LIG3: variants seen among roughly 807,000 people sequenced by gnomAD.
The protein encoded by LIG3 is ligase II, DNA, ATP-dependent.
In LIG3, 58 loss-of-function variants were observed where a neutral mutation model predicts 110.9. The ratio of observed to expected loss-of-function variants is 0.52; its 90% CI spans 0.42 to 0.65. The LOEUF (loss-of-function observed/expected upper bound fraction) is 0.65. Among genes scored for constraint, LIG3 ranks in the 30% least tolerant of loss-of-function variants. The pLI, the probability that LIG3 is intolerant of heterozygous loss-of-function variation, is 0.00. For synonymous variants in LIG3, 422 were observed against 472.8 expected (o/e 0.89, Z 1.39); for missense variants, 1,094 against 1,273.8 (o/e 0.86, Z 2.15).
rs1318316246 is a variant in LIG3, at chr17:35,006,875, T to C, written c.*2369T>C. ...CCACCTACTGTTTAAAATGTGTATG[T>C]TGGGGGAGTAGGGACAGCACGGGGG... is the stretch of plus-strand genomic sequence containing the variant. On this transcript the variant is annotated 3_prime_UTR_variant, in exon 20 of 20. Coordinates refer to ENST00000378526, the MANE Select transcript of LIG3 (RefSeq NM_013975.4). 1 of 151,350 alleles carries C rather than the reference T, an allele frequency of 6.6e-6. No homozygotes were observed. Among genetic ancestry groups the C allele is most frequent in the East Asian group, 2.0e-4 (1 of 5,064 alleles). 9.4% of individuals were successfully genotyped at this position (151,350 alleles called of 1,614,324 possible). A position where few individuals can be genotyped will look rare whatever the true frequency, so the allele number is the denominator to read the frequency against.
intron 19 of LIG3, chr17:35,003,232 C>T: frequency 1.2e-5 from 16 of 1,370,588 alleles, no homozygotes; most frequent in Non-Finnish European, 1.6e-5. Flanking sequence ...GGTGACTCTC[C>T]TCCCACCTGA....
At chr17:34,991,623 T>C (rs1462674022) in intron 5 of LIG3, 48 bp from the exon 6 acceptor site, 1 of 1,595,392 alleles carries the variant, frequency 6.3e-7, no homozygotes, top group East Asian at 2.2e-5. Context: ...GGGGATACAC[T>C]TGGCCACCCT....
At position 34,991,965 on chromosome 17, in the gene LIG3, G is replaced by A. The variant is rs1172535353; in HGVS notation, c.1216G>A (p.Ala406Thr). Reference protein sequence around the residue: ...ALQDIASRCTANDLKCIIRLI... With the variant: ...ALQDIASRCTTNDLKCIIRLI... ...TGTGCTTCATCCCCCTAGGTGTACA[G>A]CCAATGACCTTAAATGCATCATCAG... is the stretch of plus-strand genomic sequence containing the variant. The change falls in exon 7 of 20, where the codon GCC becomes ACC. Residue 406 changes from alanine to threonine, a missense_variant. Coordinates refer to ENST00000378526, the MANE Select transcript of LIG3 (RefSeq NM_013975.4). 1.2e-6 allele frequency: 2 copies of A among 1,613,964 alleles called. No individual in the cohort carries two copies. The highest frequency in any genetic ancestry group is 1.7e-5 in the Admixed American group (1 of 60,008).
rs375449672 is a variant in LIG3, at chr17:35,001,301, G to A, written c.2376G>A (p.Ser792=). ...WEITGAEFSK[S]EAHTADGISI... is the part of the protein sequence containing the mutation. The stretch of plus-strand genomic sequence containing the variant: ...TCACAGGGGCTGAATTCTCCAAATC[G>A]GAGGCTCATACAGCTGACGGGATCT... The change falls in exon 17 of 20, where the codon TCG becomes TCA. Residue 792 remains serine (S), a synonymous_variant. Coordinates refer to ENST00000378526, the MANE Select transcript of LIG3 (RefSeq NM_013975.4). The A allele has an allele frequency of 3.2e-5, 51 of 1,613,982 alleles. No individual in the cohort carries two copies. The Middle Eastern group carries it at 9.9e-4, about 31-fold the overall frequency.
intron 19 of LIG3, chr17:35,003,054 C>G: frequency 6.2e-7 from 1 of 1,614,136 alleles, no homozygotes; most frequent in Non-Finnish European, 8.5e-7. Context: ...GATAGAACAG[C>G]CCGGCCTAGC....
At position 34,991,204 on chromosome 17, in the gene LIG3, G is replaced by A. The variant is rs142556789; in HGVS notation, c.1041+90G>A. The A allele has an allele frequency of 1.0e-4, 128 of 1,270,428 alleles. 2 individuals carry two copies. The East Asian group carries it at 2.8e-3, about 28-fold the overall frequency. The allele number at this position is 1,270,428 out of a possible 1,614,324, so 78.7% of individuals were successfully genotyped here. A position where few individuals can be genotyped will look rare whatever the true frequency, so the allele number is the denominator to read the frequency against. ...CAGCCTCTTTTTTTTTTTCTGGTTG[G>A]GACACATACTGTTTTAGGAAACTGA... On this transcript the variant is annotated intron_variant, in intron 5 of 19. Transcript: ENST00000378526.
chr17:34,983,689 T>C, intron 2 of LIG3, 137 bp downstream of exon 2: 1 of 873,828 alleles, frequency 1.1e-6, no homozygotes, highest in Non-Finnish European at 1.7e-6. Context: ...TAGGCCAGTG[T>C]TTAATGTTGC....
chr17:34,997,990 G>T, intron 12 of LIG3, 165 bp downstream of exon 12: 2 of 667,586 alleles, frequency 3.0e-6, no homozygotes, highest in Admixed American at 2.5e-5. Flanking sequence ...TCTTCACCCA[G>T]AAGGGTAGGG....
In LIG3 at chr17:34,980,548, A is replaced by G. The variant is rs1223292922; in HGVS notation, c.-79A>G. ...CGGATTTAAAGAGACAGGCGCTCCA[A>G]CCGTCGTGGGCTGCCCGCGGCCTGT... On this transcript the variant is annotated 5_prime_UTR_variant, in exon 1 of 20. Coordinates refer to ENST00000378526, the MANE Select transcript of LIG3 (RefSeq NM_013975.4). The G allele has an allele frequency of 3.9e-6, 5 of 1,287,238 alleles. No individual in the cohort carries two copies. The highest frequency in any genetic ancestry group is 4.1e-6 in the Non-Finnish European group (4 of 987,570). The allele number at this position is 1,287,238 out of a possible 1,614,324, so 79.7% of individuals were successfully genotyped here.
chr17:35,004,243 G>T, intron 19 of LIG3, 30 bp from the exon 20 acceptor site: 1 of 1,569,118 alleles, frequency 6.4e-7, no homozygotes, highest in South Asian at 1.1e-5. Flanking sequence ...GTGTAGGTCT[G>T]ACCCCACCCT....
rs563901799 is a variant in LIG3, at chr17:35,008,657, A to T, written c.*4151A>T. 4.6e-5 allele frequency: 7 copies of T among 151,814 alleles called. No individual in the cohort carries two copies. The highest frequency in any genetic ancestry group is 1.7e-4 in the African/African-American group (7 of 41,344). 9.4% of individuals were successfully genotyped at this position (151,814 alleles called of 1,614,324 possible). The stretch of plus-strand genomic sequence containing the variant: ...TTTTTTGTTTTGTTTTTTGAGACAG[A>T]GTCTCGCTCTTTCGCCCAGGCCGGA... On this transcript the variant is annotated 3_prime_UTR_variant, in exon 20 of 20. Coordinates refer to ENST00000378526, the MANE Select transcript of LIG3 (RefSeq NM_013975.4).
chr17:35,001,968 G>A lies in LIG3; in HGVS notation c.2538G>A (p.Gly846=). The A allele has an allele frequency of 1.2e-6, 2 of 1,613,016 alleles. No homozygotes were observed. The highest frequency in any genetic ancestry group is 4.5e-5 in the East Asian group (2 of 44,830). ...ADFTVVAGDE[G]SSTTGGSSEE... ...TCACTGTAGTGGCTGGAGATGAGGG[G>A]AGCTCCACTACAGGGGGTAGCAGTG... Residue 846 remains glycine (G), a synonymous_variant, in exon 18 of 20, where the codon GGG becomes GGA. Coordinates refer to ENST00000378526, the MANE Select transcript of LIG3 (RefSeq NM_013975.4).
intron 8 of LIG3, 69 bp downstream of exon 8, chr17:34,992,761 A>G (rs1471408684): frequency 7.6e-6 from 11 of 1,446,700 alleles, no homozygotes; most frequent in East Asian, 4.8e-5. Context: ...CTGAGATCAG[A>G]TAGGGTATGA....
chr17:34,999,721 A>T, intron 15 of LIG3, 61 bp from the exon 16 acceptor site: 1 of 1,414,566 alleles, frequency 7.1e-7, no homozygotes. Context: ...TTACCAAGAG[A>T]AGGGATTTAA....
rs1299888358 is a variant in LIG3, at chr17:35,002,709, GA to G, written c.2717del (p.Glu906GlyfsTer10). 1.2e-6 allele frequency: 2 copies of G among 1,613,596 alleles called. No homozygotes were observed. The highest frequency in any genetic ancestry group is 1.7e-6 in the Non-Finnish European group (2 of 1,179,874). ...TAKPSAMKVGEKLATKSSPVK... is the reference protein window; with the variant it reads ...TAKPSAMKVGXKLATKSSPVK... ...AAAGCCTTCCGCTATGAAGGTGGGGGAGAAGCTGGCCACAAAGTCTTCTCCA... is the reference window on the plus strand; with the variant it reads ...AAAGCCTTCCGCTATGAAGGTGGGGGGAAGCTGGCCACAAAGTCTTCTCCA... On this transcript the variant is annotated frameshift_variant, in exon 19 of 20. Coordinates refer to ENST00000378526, the MANE Select transcript of LIG3 (RefSeq NM_013975.4). LOFTEE classifies it high-confidence loss of function.
chr17:35,002,571 T>G (rs2090854489), intron 18 of LIG3, 97 bp from the exon 19 acceptor site: 3 of 1,338,504 alleles, frequency 2.2e-6, no homozygotes, highest in Non-Finnish European at 3.1e-6. Context: ...CGACCATAGC[T>G]CACTGCAGCC....
rs2142300064 is a variant in LIG3, at chr17:35,006,656, ACT to A, written c.*2153_*2154del. On this transcript the variant is annotated 3_prime_UTR_variant, in exon 20 of 20. Coordinates refer to ENST00000378526, the MANE Select transcript of LIG3 (RefSeq NM_013975.4). ...GTGTGCATGTTCCAGCCAACACTCC[ACT>A]CTGAGTGCAGGCTCATCAGGACACC... 1 of 152,130 alleles carries A rather than the reference ACT, an allele frequency of 6.6e-6. No individual in the cohort carries two copies. The highest frequency in any genetic ancestry group is 2.4e-5 in the African/African-American group (1 of 41,476). 9.4% of individuals were successfully genotyped at this position (152,130 alleles called of 1,614,324 possible). A position where few individuals can be genotyped will look rare whatever the true frequency, so the allele number is the denominator to read the frequency against.
In LIG3 at chr17:34,989,507, C is replaced by T. The variant is rs764374758; in HGVS notation, c.733C>T (p.Pro245Ser). The change falls in exon 4 of 20, where the codon CCT (proline) becomes TCT (serine). Residue 245 changes from proline to serine, a missense_variant. Physicochemically the swap from Pro to Ser is moderately conservative, Grantham distance 74. Transcript: ENST00000378526. ...TGGGGAAGCCCCCTCGAGCCCCACC[C>T]CTAAGAGAAGTCTGTCTTCAAGCAA... is the stretch of plus-strand genomic sequence containing the variant. ...NSGEAPSSPT[P>S]KRSLSSSKCD... The T allele has an allele frequency of 1.9e-6, 3 of 1,614,124 alleles. No individual in the cohort carries two copies. The South Asian group carries it at 3.3e-5, about 18-fold the overall frequency.
At chr17:34,991,387 T>C (rs1025261509) in intron 5 of LIG3, 10 of 572,562 alleles carry the variant, frequency 1.7e-5, no homozygotes, top group Non-Finnish European at 2.4e-5. Context: ...CTGTCTCTCC[T>C]GGGGCTTTTA....
Sources: gnomAD v4.1 joint callset for allele counts on GRCh38, gnomAD v4.1.1 for gene constraint, MANE v1.5 for transcripts, NCBI Gene and HGNC (gene_info 2026-07-23, HGNC 2026-07-21) for gene names.